The following CHD1L variants were observed in gnomAD, a reference collection of about 807,000 sequenced individuals.
CHD1L encodes the protein chromodomain helicase DNA binding protein 1 like.
A neutral mutation model predicts 115.9 loss-of-function variants in CHD1L; 118 were observed. The observed-to-expected ratio is 1.02, with a 90% CI of 0.88 to 1.19. The LOEUF (loss-of-function observed/expected upper bound fraction) is 1.19, where lower values mean the gene tolerates loss of function less well. Ranked by LOEUF, CHD1L falls within the 50% of genes most tolerant of loss-of-function variation. The probability of loss-of-function intolerance (pLI) is 0.00; values close to 1 mark genes in which losing one functional copy is unlikely to be tolerated. For synonymous variants in CHD1L, 411 were observed against 387.1 expected, an observed-to-expected ratio of 1.06 and a Z score of -0.72; for missense variants, 1,179 against 1,065.3, an observed-to-expected ratio of 1.11 and a Z score of -1.49.
chr1:147,236,294 A>C, the CHD1L span, among the ~76,000 whole-genome samples: 3 of 152,222 alleles, frequency 2.0e-5, no homozygotes, highest in African/African-American at 7.2e-5. Flanking sequence ...AAAGGGCTGC[A>C]GCTCCTCTCT....
intron 8 of CHD1L, among the ~76,000 whole-genome samples, chr1:147,266,841 T>C (rs1298929461): frequency 6.6e-6 from 1 of 152,236 alleles, no homozygotes; most frequent in Non-Finnish European, 1.5e-5. Flanking sequence ...GTGAATAGAA[T>C]ATTGTTATAA....
chr1:147,225,281 T>G, the CHD1L span: 1 of 901,212 alleles, frequency 1.1e-6, no homozygotes, highest in Non-Finnish European at 1.5e-6. Flanking sequence ...CGGTACCGGA[T>G]CTCACCGCCT....
At chr1:147,253,382 C>T (rs587733770) in intron 2 of CHD1L, among the ~76,000 whole-genome samples, 6 of 152,338 alleles carry the variant, frequency 3.9e-5, no homozygotes, top group African/African-American at 1.2e-4. Context: ...GTTCCTGGCA[C>T]AGCTTGGGCT....
At chr1:147,286,173 T>C (rs1683055242) in intron 17 of CHD1L, 125 bp from the exon 18 acceptor site, 2 of 905,580 alleles carry the variant, frequency 2.2e-6, no homozygotes, top group Non-Finnish European at 3.3e-6. Context: ...AAAACTTCAA[T>C]CAGGGTGAGT....
intron 7 of CHD1L, 41 bp from the exon 8 acceptor site, chr1:147,265,891 A>G (rs369569478): frequency 1.3e-6 from 2 of 1,574,324 alleles, no homozygotes; most frequent in Non-Finnish European, 1.7e-6. Context: ...CCTTGGTTCT[A>G]CTTTTGTCCC....
At chr1:147,203,947 A>C in the CHD1L span, 1 of 1,336,882 alleles carries the variant, frequency 7.5e-7, no homozygotes, top group Non-Finnish European at 1.1e-6. Context: ...GAGCTGTAGC[A>C]CCAACTGTTT....
chr1:147,259,948 T>C, intron 6 of CHD1L, 30 bp downstream of exon 6: 3 of 1,488,936 alleles, frequency 2.0e-6, no homozygotes, highest in Admixed American at 1.9e-5. Flanking sequence ...TTAGTTTTTA[T>C]ATAACCCCTT....
intron 21 of CHD1L, among the ~76,000 whole-genome samples, chr1:147,294,052 C>T (rs587663930): frequency 6.6e-6 from 1 of 152,296 alleles, no homozygotes; most frequent in East Asian, 1.9e-4. Flanking sequence ...TGGAGAGTCA[C>T]AGTTCCCAAT....
In CHD1L at chr1:147,272,572, G is replaced by A. The variant is rs182235548; in HGVS notation, c.1270+291G>A. On this transcript the variant is annotated intron_variant, in intron 12 of 22. Transcript: ENST00000369258. The stretch of plus-strand genomic sequence containing the variant: ...AAAGATTTATGTGATTTTGTGGAAT[G>A]TTTCATTTACATTCAGTGGAAGTAG... The A allele has an allele frequency of 1.2e-3, 281 of 226,698 alleles. 2 individuals carry two copies. The highest frequency in any genetic ancestry group is 6.1e-3 in the African/African-American group (271 of 44,108). The allele number at this position is 226,698 out of a possible 1,614,324, so 14.0% of individuals were successfully genotyped here.
At chr1:147,192,757 C>T in the CHD1L span, among the ~76,000 whole-genome samples, 3 of 152,140 alleles carry the variant, frequency 2.0e-5, no homozygotes, top group African/African-American at 7.2e-5. Flanking sequence ...TTTTCTGCAT[C>T]TATTGAGATA....
the CHD1L span, chr1:147,175,127 AG>A: frequency 6.6e-6 from 1 of 152,230 alleles, no homozygotes; most frequent in Non-Finnish European, 1.5e-5. Context: ...GACCAAGGAT[AG>A]GTATAACATC....
Position 147,242,790 on chromosome 1 carries a change from G to C in CHD1L, c.87G>C (p.Ala29=). Residue 29 remains alanine (A), a synonymous_variant, in exon 1 of 23, where the codon GCG becomes GCC. Coordinates refer to ENST00000369258, the MANE Select transcript of CHD1L (RefSeq NM_004284.6). ...RLHTEGRAEA[A]RVQEQDLRQW... Reference sequence around the variant, plus strand: ...ATACTGAGGGCCGAGCCGAGGCGGCGCGGGTGCAGGAGCAGGACTTACGGC... The same window carrying C: ...ATACTGAGGGCCGAGCCGAGGCGGCCCGGGTGCAGGAGCAGGACTTACGGC... 7.9e-7 allele frequency: 1 copy of C among 1,273,786 alleles called. No individual in the cohort carries two copies. The highest frequency in any genetic ancestry group is 1.5e-5 in the African/African-American group (1 of 65,816). 78.9% of individuals were successfully genotyped at this position (1,273,786 alleles called of 1,614,324 possible). A position where few individuals can be genotyped will look rare whatever the true frequency, so the allele number is the denominator to read the frequency against.
the CHD1L span, among the ~76,000 whole-genome samples, chr1:147,212,708 A>T: frequency 6.6e-6 from 1 of 152,050 alleles, no homozygotes; most frequent in Non-Finnish European, 1.5e-5. Context: ...CTTTTCCCAT[A>T]GCCTCAGAGT....
At chr1:147,269,687 AG>A (rs1553951422) in intron 10 of CHD1L, among the ~76,000 whole-genome samples, 2 of 150,788 alleles carry the variant, frequency 1.3e-5, no homozygotes, top group African/African-American at 2.4e-5. Flanking sequence ...AAAAAAAAAA[AG>A]ACCAGGTTCA....
rs587639424 is a variant in CHD1L at position 147,268,536 on chromosome 1, G to T, written c.989-246G>T. Among the ~76,000 whole-genome samples the T allele has an allele frequency of 1.3e-4, 20 of 152,238 alleles. No homozygotes were observed. In the South Asian group the frequency reaches 4.1e-3, roughly 32 times the overall value. Reference sequence around the variant, plus strand: ...TAGAGTGAGTCTCGATTTCAGTTTTGGGTCTCCTTGACCTTTAGCATCTTC... The same window carrying T: ...TAGAGTGAGTCTCGATTTCAGTTTTTGGTCTCCTTGACCTTTAGCATCTTC... On this transcript the variant is annotated intron_variant, in intron 9 of 22. Coordinates refer to ENST00000369258, the MANE Select transcript of CHD1L (RefSeq NM_004284.6).
chr1:147,220,961 A>T, the CHD1L span, among the ~76,000 whole-genome samples: 2 of 146,378 alleles, frequency 1.4e-5, no homozygotes, highest in South Asian at 4.3e-4. Context: ...AAAAAAAAAC[A>T]GTGGGTATAA....
At chr1:147,243,001 C>A (rs1553932116) in intron 1 of CHD1L, 171 bp downstream of exon 1, 2 of 795,372 alleles carry the variant, frequency 2.5e-6, no homozygotes, top group African/African-American at 1.8e-5. Flanking sequence ...GGCTTGGTGG[C>A]CACGGCCCCC....
chr1:147,244,469 T>TA (rs1272497213), intron 1 of CHD1L, among the ~76,000 whole-genome samples: 1 of 91,888 alleles, frequency 1.1e-5, no homozygotes, highest in African/African-American at 4.4e-5. Context: ...ATGAGTTGGT[T>TA]AAAAAAATTC....
intron 13 of CHD1L, 40 bp downstream of exon 13, chr1:147,275,508 C>A: frequency 6.7e-7 from 1 of 1,496,274 alleles, no homozygotes; most frequent in Non-Finnish European, 9.3e-7. Context: ...TGCCCAGCAG[C>A]AGTTCTGGGT....
Sources: gnomAD v4.1 joint callset for allele counts (sites outside exome capture counted in the v4.1 genomes callset) on GRCh38, gnomAD v4.1.1 for gene constraint, MANE v1.5 for transcripts, NCBI Gene and HGNC (gene_info 2026-07-23, HGNC 2026-07-21) for gene names.